IMMP2L: variants seen among roughly 807,000 people sequenced by gnomAD.
IMMP2L encodes the protein inner mitochondrial membrane peptidase subunit 2, also known as mitochondrial inner membrane protease subunit 2.
Under a neutral mutation model 19.3 loss-of-function variants are expected in IMMP2L, and 18 were observed. That is an observed-to-expected ratio of 0.93 (90% CI 0.64 to 1.38). The LOEUF is 1.38. Ranked by LOEUF, IMMP2L falls within the 40% of genes most tolerant of loss-of-function variation. The pLI is 0.00. For synonymous variants in IMMP2L, 76 were observed against 73.0 expected, an observed-to-expected ratio of 1.04 and a Z score of -0.21; for missense variants, 233 against 218.2, an observed-to-expected ratio of 1.07 and a Z score of -0.43.
At chr7:111,265,107 C>T (rs1265260166) in intron 3 of IMMP2L, among the ~76,000 whole-genome samples, 1 of 152,140 alleles carries the variant, frequency 6.6e-6, no homozygotes, top group African/African-American at 2.4e-5. Context: ...AAGAGATAGA[C>T]AACATTTCTA....
intron 3 of IMMP2L, among the ~76,000 whole-genome samples, chr7:111,275,035 T>C (rs1412768776): frequency 6.6e-6 from 1 of 152,136 alleles, no homozygotes; most frequent in African/African-American, 2.4e-5. Context: ...CATTCTAATC[T>C]CGAGATGTGT....
chr7:111,126,520 T>C (rs1801328424), intron 3 of IMMP2L, among the ~76,000 whole-genome samples: 1 of 152,178 alleles, frequency 6.6e-6, no homozygotes, highest in African/African-American at 2.4e-5. Context: ...AAGAATTTAA[T>C]TTTTTAGTCC....
At chr7:111,442,136 C>CA (rs1173967803) in intron 3 of IMMP2L, among the ~76,000 whole-genome samples, 11 of 143,412 alleles carry the variant, frequency 7.7e-5, no homozygotes, top group African/African-American at 1.0e-4. Flanking sequence ...GACTCCATCT[C>CA]AAAAAAAAAA....
At chr7:110,927,205 T>A (rs1161365251) in intron 4 of IMMP2L, among the ~76,000 whole-genome samples, 1 of 152,060 alleles carries the variant, frequency 6.6e-6, no homozygotes, top group Non-Finnish European at 1.5e-5. Flanking sequence ...CTCTCCCTCC[T>A]GTCCAACATG....
At chr7:110,671,223 C>T (rs528428505) in intron 5 of IMMP2L, among the ~76,000 whole-genome samples, 1 of 152,234 alleles carries the variant, frequency 6.6e-6, no homozygotes, top group East Asian at 1.9e-4. Context: ...ATAGTAGTCA[C>T]CAAACTGTTT....
intron 5 of IMMP2L, among the ~76,000 whole-genome samples, chr7:110,744,540 C>T (rs896464057): frequency 6.6e-6 from 1 of 152,186 alleles, no homozygotes; most frequent in Non-Finnish European, 1.5e-5. Flanking sequence ...GTTGAAGCTT[C>T]CAGAGGATAG....
intron 3 of IMMP2L, among the ~76,000 whole-genome samples, chr7:111,013,608 A>G (rs1252492191): frequency 6.6e-6 from 1 of 152,094 alleles, no homozygotes; most frequent in African/African-American, 2.4e-5. Flanking sequence ...CAAGCAGGTT[A>G]TGTTCACAGG....
chr7:111,384,578 A>T (rs896831107), intron 3 of IMMP2L, among the ~76,000 whole-genome samples: 5 of 152,090 alleles, frequency 3.3e-5, no homozygotes, highest in Non-Finnish European at 7.4e-5. Flanking sequence ...GACAGAAAGA[A>T]GGAGATCCTG....
At chr7:111,192,081 A>G (rs1268844181) in intron 3 of IMMP2L, among the ~76,000 whole-genome samples, 1 of 152,124 alleles carries the variant, frequency 6.6e-6, no homozygotes, top group Non-Finnish European at 1.5e-5. Context: ...GGTATCACTT[A>G]GAGTTTGGGT....
intron 3 of IMMP2L, among the ~76,000 whole-genome samples, chr7:111,211,993 T>C (rs1811371187): frequency 6.6e-6 from 1 of 152,078 alleles, no homozygotes; most frequent in South Asian, 2.1e-4. Flanking sequence ...CAAGACTCCG[T>C]CTCAAAAACA....
chr7:111,018,271 T>C (rs990780585), intron 3 of IMMP2L, among the ~76,000 whole-genome samples: 3 of 152,152 alleles, frequency 2.0e-5, no homozygotes, highest in Non-Finnish European at 4.4e-5. Flanking sequence ...TGGGACACAG[T>C]GTTAATAGAA....
At chr7:110,676,869 T>A (rs78844832) in intron 5 of IMMP2L, among the ~76,000 whole-genome samples, 4,778 of 152,254 alleles carry the variant, frequency 0.031, 84 homozygotes, top group South Asian at 0.064. Context: ...CAAAGGAGGA[T>A]GTTGCCCTTA....
chr7:111,431,551 T>C lies in IMMP2L; in HGVS notation c.239+55687A>G, dbSNP rs956354627. ...TTTTTCCAGCCAACTTTATCTTCAA[T>C]TATATAATTTTTTAAGTCTAATATT... On this transcript the variant is annotated intron_variant, in intron 3 of 5. Coordinates refer to ENST00000405709, the MANE Select transcript of IMMP2L (RefSeq NM_032549.4). Among the ~76,000 whole-genome samples, 14 of 151,878 alleles carry C rather than the reference T, an allele frequency of 9.2e-5. 2 individuals carry two copies. Among genetic ancestry groups the C allele is most frequent in the African/African-American group, 3.4e-4 (14 of 41,162 alleles).
At chr7:111,515,115 G>A (rs2132611135) in intron 2 of IMMP2L, among the ~76,000 whole-genome samples, 1 of 152,118 alleles carries the variant, frequency 6.6e-6, no homozygotes, top group African/African-American at 2.4e-5. Flanking sequence ...TATTTTTACT[G>A]GGATATAATG....
chr7:111,396,780 A>G (rs1832910605), intron 3 of IMMP2L, among the ~76,000 whole-genome samples: 1 of 152,158 alleles, frequency 6.6e-6, no homozygotes, highest in African/African-American at 2.4e-5. Context: ...CATAAAATAA[A>G]TGAAGCTTTA....
At chr7:111,537,863 A>T (rs908095438) in intron 1 of IMMP2L, among the ~76,000 whole-genome samples, 2 of 151,810 alleles carry the variant, frequency 1.3e-5, no homozygotes, top group Non-Finnish European at 2.9e-5. Context: ...TCATGCTTCA[A>T]CCAAACCCAC....
chr7:110,925,291 C>G (rs1284211010), intron 4 of IMMP2L, among the ~76,000 whole-genome samples: 1 of 152,066 alleles, frequency 6.6e-6, no homozygotes, highest in Non-Finnish European at 1.5e-5. Context: ...TATGGCCTTA[C>G]AAACAGACAT....
chr7:111,144,113 C>G (rs1369221154), intron 3 of IMMP2L, among the ~76,000 whole-genome samples: 1 of 152,100 alleles, frequency 6.6e-6, no homozygotes, highest in East Asian at 1.9e-4. Context: ...ACTACATTTA[C>G]TAGAGAAAAG....
chr7:110,979,998 A>G (rs1170243765), intron 3 of IMMP2L, among the ~76,000 whole-genome samples: 1 of 152,172 alleles, frequency 6.6e-6, no homozygotes, highest in Non-Finnish European at 1.5e-5. Context: ...CTGGATTCTA[A>G]CTAATCAAGT....
Sources: allele counts gnomAD v4.1 joint callset (sites outside exome capture counted in the v4.1 genomes callset), GRCh38; gene constraint gnomAD v4.1.1; transcripts MANE v1.5; gene names NCBI Gene and HGNC (gene_info 2026-07-23, HGNC 2026-07-21).